The following SNTG1 variants were observed in gnomAD, a reference collection of about 807,000 sequenced individuals.
SNTG1 encodes the protein gamma-1-syntrophin.
In SNTG1, 39 loss-of-function variants were observed where a neutral mutation model predicts 74.7. The ratio of observed to expected loss-of-function variants is 0.52; its 90% CI spans 0.40 to 0.68. The LOEUF (loss-of-function observed/expected upper bound fraction) is 0.68. Ranked by LOEUF, SNTG1 falls within the 30% of genes least tolerant of loss-of-function variation. The probability of loss-of-function intolerance (pLI) is 0.00; values close to 1 mark genes in which losing one functional copy is unlikely to be tolerated. For missense variants in SNTG1, 685 were observed against 609.5 expected (o/e 1.12, Z -1.30); for synonymous variants, 254 against 217.1 (o/e 1.17, Z -1.49).
chr8:50,413,916 C>T (rs1331851058), intron 4 of SNTG1, among the ~76,000 whole-genome samples: 2 of 152,096 alleles, frequency 1.3e-5, no homozygotes, highest in Non-Finnish European at 2.9e-5. Context: ...TCTATTCTAT[C>T]CTATTTTATA....
intron 2 of SNTG1, among the ~76,000 whole-genome samples, chr8:50,355,326 C>T (rs908087800): frequency 2.6e-5 from 4 of 151,772 alleles, no homozygotes; most frequent in African/African-American, 9.7e-5. Context: ...AAATGACAGG[C>T]ATATATTTCT....
chr8:50,597,430 T>C (rs368154052), intron 13 of SNTG1, among the ~76,000 whole-genome samples: 3 of 100,324 alleles, frequency 3.0e-5, no homozygotes, highest in African/African-American at 6.0e-5. Flanking sequence ...TACATATATA[T>C]ATGCCACATG....
At chr8:50,767,533 T>C (rs935336881) in intron 18 of SNTG1, among the ~76,000 whole-genome samples, 7 of 152,028 alleles carry the variant, frequency 4.6e-5, no homozygotes, top group Admixed American at 1.3e-4. Flanking sequence ...TTCCAAAGCC[T>C]AATTAAACTT....
chr8:50,622,768 G>A (rs1028541017), intron 13 of SNTG1, among the ~76,000 whole-genome samples: 2 of 151,944 alleles, frequency 1.3e-5, no homozygotes, highest in African/African-American at 2.4e-5. Flanking sequence ...TTGCTTTCTT[G>A]TAATTTCAAA....
At chr8:50,561,374 A>C (rs915539350) in intron 12 of SNTG1, among the ~76,000 whole-genome samples, 1 of 152,104 alleles carries the variant, frequency 6.6e-6, no homozygotes. Context: ...GTGTGAAAAC[A>C]GACTAAAACA....
At chr8:50,197,790 TC>T (rs2083833871) in intron 2 of SNTG1, among the ~76,000 whole-genome samples, 1 of 152,160 alleles carries the variant, frequency 6.6e-6, no homozygotes, top group African/African-American at 2.4e-5. Context: ...TTATCATTTT[TC>T]CCTAGTAGTA....
At chr8:50,020,315 A>G (rs1274165576) in intron 1 of SNTG1, among the ~76,000 whole-genome samples, 1 of 152,102 alleles carries the variant, frequency 6.6e-6, no homozygotes, top group Non-Finnish European at 1.5e-5. Flanking sequence ...ATTGGTTTTG[A>G]CATATTTACA....
chr8:50,004,094 T>A (rs952981769), intron 1 of SNTG1, among the ~76,000 whole-genome samples: 1 of 152,172 alleles, frequency 6.6e-6, no homozygotes, highest in Non-Finnish European at 1.5e-5. Flanking sequence ...GAGGCCATCA[T>A]CTAGTGTCCT....
chr8:50,768,629 C>A (rs888814044), intron 18 of SNTG1, among the ~76,000 whole-genome samples: 1 of 152,044 alleles, frequency 6.6e-6, no homozygotes, highest in East Asian at 1.9e-4. Flanking sequence ...ATTTGTGACT[C>A]TATCTGGTAT....
At chr8:50,706,999 A>C (rs765113538) in intron 16 of SNTG1, among the ~76,000 whole-genome samples, 1 of 152,018 alleles carries the variant, frequency 6.6e-6, no homozygotes, top group Non-Finnish European at 1.5e-5. Flanking sequence ...TTTTTAAGGA[A>C]ACAAATTAAA....
chr8:50,599,069 G>A (rs1314526512), intron 13 of SNTG1, among the ~76,000 whole-genome samples: 1 of 151,902 alleles, frequency 6.6e-6, no homozygotes, highest in Non-Finnish European at 1.5e-5. Flanking sequence ...CATGGAAAAT[G>A]GAGTGTTTAT....
chr8:50,492,630 G>A (rs879308193), intron 8 of SNTG1, among the ~76,000 whole-genome samples: 1 of 152,148 alleles, frequency 6.6e-6, no homozygotes, highest in Non-Finnish European at 1.5e-5. Context: ...GTAGATTCTG[G>A]ATATTAGTCC....
chr8:50,538,765 A>G (rs1012405534), intron 11 of SNTG1, among the ~76,000 whole-genome samples: 1 of 152,092 alleles, frequency 6.6e-6, no homozygotes, highest in African/African-American at 2.4e-5. Context: ...TCCTTCAAAC[A>G]CTTGATTAGT....
At chr8:50,511,780 C>G (rs576272362) in intron 9 of SNTG1, among the ~76,000 whole-genome samples, 1 of 152,112 alleles carries the variant, frequency 6.6e-6, no homozygotes, top group Admixed American at 6.6e-5. Context: ...AGATCTTCCT[C>G]GATCCCTTTA....
intron 2 of SNTG1, among the ~76,000 whole-genome samples, chr8:50,184,514 G>T (rs2083315016): frequency 6.6e-6 from 1 of 152,092 alleles, no homozygotes; most frequent in South Asian, 2.1e-4. Context: ...ACTTATTTTG[G>T]TAGCTTCAGC....
In SNTG1 at chr8:50,081,365, G is replaced by A. The variant is rs543869097; in HGVS notation, c.-102-91196G>A. On this transcript the variant is annotated intron_variant, in intron 1 of 18. Transcript: ENST00000642720. ...AAGTTTACTCACTTTTTGGCTTTCAGTAGTTAGACTACTATGTGTAGATGT... is the reference window on the plus strand; with the variant it reads ...AAGTTTACTCACTTTTTGGCTTTCAATAGTTAGACTACTATGTGTAGATGT... Among the ~76,000 whole-genome samples, 232 of 152,184 alleles carry A rather than the reference G, an allele frequency of 1.5e-3. 1 individual carries two copies. Among genetic ancestry groups the A allele is most frequent in the African/African-American group, 5.4e-3 (223 of 41,516 alleles).
chr8:50,390,813 T>G (rs2092647413), intron 2 of SNTG1, among the ~76,000 whole-genome samples: 1 of 152,200 alleles, frequency 6.6e-6, no homozygotes, highest in African/African-American at 2.4e-5. Flanking sequence ...TTCCTAGGTA[T>G]TTTATTCTCT....
At chr8:50,373,379 A>T (rs1302085067) in intron 2 of SNTG1, among the ~76,000 whole-genome samples, 5 of 152,202 alleles carry the variant, frequency 3.3e-5, no homozygotes, top group Non-Finnish European at 7.3e-5. Flanking sequence ...AAGTCTAGTG[A>T]TCAGGATTTT....
At chr8:50,754,210 G>A (rs1035529973) in intron 18 of SNTG1, among the ~76,000 whole-genome samples, 1 of 151,900 alleles carries the variant, frequency 6.6e-6, no homozygotes, top group African/African-American at 2.4e-5. Flanking sequence ...ATGCCTAGAA[G>A]TGCAAATTGC....
Sources: gnomAD v4.1 joint callset for allele counts (sites outside exome capture counted in the v4.1 genomes callset) on GRCh38, gnomAD v4.1.1 for gene constraint, MANE v1.5 for transcripts, NCBI Gene and HGNC (gene_info 2026-07-23, HGNC 2026-07-21) for gene names.